Variants in CROCC observed in about 807,000 individuals in gnomAD.
CROCC encodes rootletin.
CROCC carries 180 observed loss-of-function variants against 245.2 expected under a neutral mutation model. The observed-to-expected ratio is 0.73, with a 90% confidence interval of 0.65 to 0.83. CROCC has a LOEUF of 0.83. CROCC is among the 40% of genes least tolerant of loss of function. The probability of loss-of-function intolerance (pLI) is 0.00; values close to 1 mark genes in which losing one functional copy is unlikely to be tolerated. For synonymous variants in CROCC, 1,205 were observed against 1,241.6 expected, an observed-to-expected ratio of 0.97 and a Z score of 0.62; for missense variants, 2,688 against 2,779.4, an observed-to-expected ratio of 0.97 and a Z score of 0.74.
At chr1:16,916,611 A>G (rs1365382971) in intron 1 of CROCC, among the ~76,000 whole-genome samples, 1 of 152,258 alleles carries the variant, frequency 6.6e-6, no homozygotes, top group African/African-American at 2.4e-5. Context: ...GGCTCAAGCA[A>G]TCCTCCTGCC....
Position 16,922,720 on chromosome 1 carries a change from C to T in CROCC, c.118C>T (p.Gln40Ter), listed in dbSNP as rs748302612. The change falls in exon 2 of 37, where the codon CAG becomes TAG. Residue 40 changes from glutamine to a stop codon, truncating the protein, a stop_gained. Transcript: ENST00000375541. LOFTEE classifies it high-confidence loss of function. Reference protein sequence around the residue: ...EKGLGARDLAQDAQITSLPAL... With the variant: ...EKGLGARDLA ...AGGCTTGGGCGCGCGGGACCTGGCC[C>T]AGGACGCTCAGATCACCAGCCTGCC... 5 of 1,613,780 alleles carry T rather than the reference C, an allele frequency of 3.1e-6. No individual in the cohort carries two copies. The Admixed American group carries it at 8.3e-5, about 27-fold the overall frequency.
chr1:16,967,025 A>T (rs895853512), intron 30 of CROCC, among the ~76,000 whole-genome samples: 1 of 151,418 alleles, frequency 6.6e-6, no homozygotes, highest in Non-Finnish European at 1.5e-5. Context: ...ACTGCACTCT[A>T]GCAAGGCAGA....
At position 16,930,323 on chromosome 1, in the gene CROCC, T is replaced by G. The variant is rs2100361800; in HGVS notation, c.659T>G (p.Ile220Ser). The G allele has an allele frequency of 1.2e-6, 2 of 1,609,562 alleles. No individual in the cohort carries two copies. Among genetic ancestry groups the G allele is most frequent in the Middle Eastern group, 2.1e-4 (1 of 4,680 alleles). The change falls in exon 6 of 37, where the codon ATC becomes AGC. Residue 220 changes from isoleucine to serine, a missense_variant. Around this residue, in one of 9 missense-constraint regions of CROCC, gnomAD observed 972 missense variants for 895.3 expected, o/e 1.09. Coordinates refer to ENST00000375541, the MANE Select transcript of CROCC (RefSeq NM_014675.5). ...EHSQDLESAL[I>S]RLEEEQQRSA... Reference sequence around the variant, plus strand: ...AGCCAAGACCTGGAAAGCGCCCTCATCCGGCTGGAGGAGGAGCAGCAGAGG... The same window carrying G: ...AGCCAAGACCTGGAAAGCGCCCTCAGCCGGCTGGAGGAGGAGCAGCAGAGG...
At position 16,955,425 on chromosome 1, in the gene CROCC, G is replaced by A. The variant is rs2076234035; in HGVS notation, c.3579G>A (p.Val1193=). 2.5e-6 allele frequency: 4 copies of A among 1,601,004 alleles called. No individual in the cohort carries two copies. Among genetic ancestry groups the A allele is most frequent in the Non-Finnish European group, 3.4e-6 (4 of 1,177,116 alleles). The change falls in exon 24 of 37, where the codon GTG becomes GTA. Residue 1193 remains valine (V), a synonymous_variant. Coordinates refer to ENST00000375541, the MANE Select transcript of CROCC (RefSeq NM_014675.5). ...GTGAGAGCCAGGAGGGCCGGGAGGT[G>A]CAGCGCCAGGAGGCAGGCGAGCTGC... ...KLRESQEGRE[V]QRQEAGELRR... is the part of the protein sequence containing the mutation.
chr1:16,914,243 GGC>G (rs1272534848), intron 1 of CROCC, among the ~76,000 whole-genome samples: 1 of 152,124 alleles, frequency 6.6e-6, no homozygotes, highest in Admixed American at 6.5e-5. Context: ...CGGGGCTGGG[GGC>G]GCTGTGTGTT....
intron 8 of CROCC, among the ~76,000 whole-genome samples, chr1:16,933,476 A>G (rs1291552791): frequency 1.3e-5 from 2 of 152,262 alleles, no homozygotes; most frequent in African/African-American, 4.8e-5. Context: ...CGAAAAAAAA[A>G]GTCACAGATA....
At position 16,954,441 on chromosome 1, in the gene CROCC, C is replaced by T. The variant is rs907159040; in HGVS notation, c.3321+84C>T. The T allele has an allele frequency of 6.6e-7, 1 of 1,513,872 alleles. No homozygotes were observed. Among genetic ancestry groups the T allele is most frequent in the South Asian group, 1.3e-5 (1 of 79,622 alleles). The allele number at this position is 1,513,872 out of a possible 1,614,324, so 93.8% of individuals were successfully genotyped here. On this transcript the variant is annotated intron_variant, in intron 22 of 36. Coordinates refer to ENST00000375541, the MANE Select transcript of CROCC (RefSeq NM_014675.5). This position sits in a 1 kb window ranked among gnomAD's most constrained non-coding sequence, Gnocchi z 4.4. Reference sequence around the variant, plus strand: ...GAGCCCCCACCACGGGGCGGCATGGCCCTGTCCTGGAGAAGCTTCCAGGCT... The same window carrying T: ...GAGCCCCCACCACGGGGCGGCATGGTCCTGTCCTGGAGAAGCTTCCAGGCT...
In CROCC at chr1:16,969,215, G is replaced by A. The variant is rs988193316; in HGVS notation, c.5176G>A (p.Asp1726Asn). 3.1e-6 allele frequency: 5 copies of A among 1,611,206 alleles called. No individual in the cohort carries two copies. The highest frequency in any genetic ancestry group is 1.7e-6 in the Non-Finnish European group (2 of 1,178,012). Reference sequence around the variant, plus strand: ...GGAGGAAAGCGAGGGGGCCCTGCGGGACAAGGTGCGGGGCCTGACAGAGGC... The same window carrying A: ...GGAGGAAAGCGAGGGGGCCCTGCGGAACAAGGTGCGGGGCCTGACAGAGGC... ...KVEESEGALR[D>N]KVRGLTEALA... The change falls in exon 32 of 37, where the codon GAC becomes AAC. Residue 1726 changes from aspartate to asparagine, a missense_variant. By Grantham distance (23) the Asp-to-Asn change is conservative. Transcript: ENST00000375541.
intron 7 of CROCC, 33 bp downstream of exon 7, chr1:16,930,627 C>T (rs780061061): frequency 1.3e-6 from 2 of 1,585,606 alleles, no homozygotes; most frequent in Non-Finnish European, 1.7e-6. Flanking sequence ...GCCAGCCTGA[C>T]CCAAGAGGAA....
intron 26 of CROCC, 33 bp downstream of exon 26, chr1:16,958,783 T>C (rs1224331723): frequency 6.5e-7 from 1 of 1,541,004 alleles, no homozygotes; most frequent in Admixed American, 2.0e-5. Flanking sequence ...TGGTGCATCT[T>C]TCCTTCCCCC....
At chr1:16,920,176 T>C (rs2075374238), upstream of CROCC, among the ~76,000 whole-genome samples, 1 of 152,236 alleles carries the variant, frequency 6.6e-6, no homozygotes, top group Non-Finnish European at 1.5e-5. Flanking sequence ...CCTCCCAGGT[T>C]CAAGCGATTC....
intron 13 of CROCC, 101 bp downstream of exon 13, chr1:16,940,194 G>A (rs2075897631): frequency 2.4e-6 from 3 of 1,230,662 alleles, no homozygotes; most frequent in Non-Finnish European, 2.3e-6. Context: ...TAATATGGTC[G>A]CCACTAGCTG....
At position 16,971,558 on chromosome 1, in the gene CROCC, C is replaced by T. The variant is rs1293651006; in HGVS notation, c.5878C>T (p.Arg1960Trp). The change falls in exon 36 of 37, where the codon CGG becomes TGG. Residue 1960 changes from arginine (R) to tryptophan (W), a missense_variant. Physicochemically the swap from Arg to Trp is moderately radical, Grantham distance 101 (BLOSUM62 -3). Coordinates refer to ENST00000375541, the MANE Select transcript of CROCC (RefSeq NM_014675.5). ...QQLELQQEVE[R>W]LRSAQAQTER... Reference sequence around the variant, plus strand: ...GCTGGAGCTGCAGCAGGAGGTGGAGCGGCTGCGCAGCGCCCAGGCGCAGAC... The same window carrying T: ...GCTGGAGCTGCAGCAGGAGGTGGAGTGGCTGCGCAGCGCCCAGGCGCAGAC... 5.2e-6 allele frequency: 8 copies of T among 1,536,394 alleles called. No homozygotes were observed. The highest frequency in any genetic ancestry group is 1.2e-5 in the South Asian group (1 of 83,872).
At chr1:16,925,009 C>G (rs1298859813) in intron 3 of CROCC, among the ~76,000 whole-genome samples, 2 of 152,288 alleles carry the variant, frequency 1.3e-5, no homozygotes, top group Admixed American at 1.3e-4. Flanking sequence ...TCTTCATGTC[C>G]AGGCAGGATT....
chr1:16,955,941 A>G, intron 24 of CROCC, 56 bp from the exon 25 acceptor site: 1 of 1,544,120 alleles, frequency 6.5e-7, no homozygotes, highest in South Asian at 1.2e-5. Flanking sequence ...GCTTTTGTGT[A>G]GAGCCACTGA....
chr1:16,921,981 G>A lies in CROCC; in HGVS notation c.-38G>A. ...TGACTGAGCTAGTCTTGGGGTCCTGGAGAAGGGGGCTGGAGGCATGCCCAC... is the reference window on the plus strand; with the variant it reads ...TGACTGAGCTAGTCTTGGGGTCCTGAAGAAGGGGGCTGGAGGCATGCCCAC... On this transcript the variant is annotated 5_prime_UTR_variant, in exon 1 of 37. Transcript: ENST00000375541. The A allele has an allele frequency of 6.5e-7, 1 of 1,536,392 alleles. No individual in the cohort carries two copies.
chr1:16,970,488 C>G, intron 34 of CROCC, 35 bp downstream of exon 34: 2 of 1,528,408 alleles, frequency 1.3e-6, no homozygotes, highest in Non-Finnish European at 1.8e-6. Flanking sequence ...CTCACTTCCT[C>G]TGGGGCCTAA....
At chr1:16,939,258 CTG>C (rs1340250485) in intron 12 of CROCC, 116 bp downstream of exon 12, 3 of 943,492 alleles carry the variant, frequency 3.2e-6, no homozygotes. Flanking sequence ...AGGGAGGAGT[CTG>C]AGCGCCCTGG....
rs749529138 is a variant in CROCC at position 16,938,964 on chromosome 1, C to G, written c.1430C>G (p.Ala477Gly). The change falls in exon 12 of 37, where the codon GCG (alanine) becomes GGG (glycine). Residue 477 changes from alanine to glycine, a missense_variant. Physicochemically the swap from Ala to Gly is moderately conservative, Grantham distance 60. Around this residue, in one of 9 missense-constraint regions of CROCC, gnomAD observed 972 missense variants for 895.3 expected, o/e 1.09. Coordinates refer to ENST00000375541, the MANE Select transcript of CROCC (RefSeq NM_014675.5). Reference protein sequence around the residue: ...GVQLSGSERTADASNGSLRGL... With the variant: ...GVQLSGSERTGDASNGSLRGL... ...CAGCTGAGCGGCTCTGAGCGCACCG[C>G]GGATGCTTCCAACGGCAGCCTGCGG... The G allele has an allele frequency of 1.2e-6, 2 of 1,605,182 alleles. No homozygotes were observed. The highest frequency in any genetic ancestry group is 1.7e-6 in the Non-Finnish European group (2 of 1,177,488).
Sources: gnomAD v4.1 joint callset for allele counts (sites outside exome capture counted in the v4.1 genomes callset) on GRCh38, gnomAD v4.1.1 for gene constraint, gnomAD v4.1.1 regional missense constraint, Gnocchi (gnomAD v3.1) non-coding constraint, MANE v1.5 for transcripts, NCBI Gene and HGNC (gene_info 2026-07-23, HGNC 2026-07-21) for gene names.